Variants in EFCAB6 observed in about 807,000 individuals in gnomAD.
EFCAB6 encodes the protein EF-hand calcium binding domain 6, also known as EF-hand calcium-binding domain-containing protein 6.
Under a neutral mutation model 169.8 loss-of-function variants are expected in EFCAB6, and 156 were observed. That is an observed-to-expected ratio of 0.92 (90% CI 0.81 to 1.05). The LOEUF (loss-of-function observed/expected upper bound fraction) is 1.05, where lower values mean the gene tolerates loss of function less well. Ranked by LOEUF, EFCAB6 falls within the 50% of genes least tolerant of loss-of-function variation. The pLI is 0.00. For missense variants in EFCAB6, 1,800 were observed against 1,829.1 expected (o/e 0.98, Z 0.29); for synonymous variants, 698 against 676.4 (o/e 1.03, Z -0.50).
At chr22:43,597,904 G>A (rs1011536272) in intron 23 of EFCAB6, among the ~76,000 whole-genome samples, 1 of 152,118 alleles carries the variant, frequency 6.6e-6, no homozygotes, top group African/African-American at 2.4e-5. Context: ...TAAAAAAGAA[G>A]AAAATCGTCA....
intron 10 of EFCAB6, among the ~76,000 whole-genome samples, chr22:43,703,209 G>A (rs1377178256): frequency 1.3e-5 from 2 of 152,182 alleles, no homozygotes; most frequent in Non-Finnish European, 2.9e-5. Context: ...AGCTCAGCCT[G>A]ATTACTGAGC....
intron 1 of EFCAB6, among the ~76,000 whole-genome samples, 192 bp downstream of exon 1, chr22:43,811,976 C>CA (rs907811742): frequency 2.0e-5 from 3 of 152,188 alleles, no homozygotes; most frequent in African/African-American, 7.2e-5. Context: ...CACAGGGCCC[C>CA]AGGGCCTACA....
chr22:43,728,273 G>T (rs1449587568), intron 8 of EFCAB6, among the ~76,000 whole-genome samples: 5 of 152,102 alleles, frequency 3.3e-5, no homozygotes, highest in Non-Finnish European at 7.4e-5. Flanking sequence ...TAGTACTCCT[G>T]GTGTATATCT....
chr22:43,580,663 G>C lies in EFCAB6; in HGVS notation c.3033-4C>G. Reference sequence around the variant, plus strand: ...ATCATGCCGGCTGACTCCCCAACTTGTCCCAAAAGGAAGAAAAGAACATAT... The same window carrying C: ...ATCATGCCGGCTGACTCCCCAACTTCTCCCAAAAGGAAGAAAAGAACATAT... On this transcript the variant is annotated splice_polypyrimidine_tract_variant and splice_region_variant and intron_variant, in intron 24 of 31. Coordinates refer to ENST00000262726, the MANE Select transcript of EFCAB6 (RefSeq NM_022785.4). The C allele has an allele frequency of 1.2e-6, 2 of 1,612,902 alleles. No homozygotes were observed. Among genetic ancestry groups the C allele is most frequent in the Non-Finnish European group, 8.5e-7 (1 of 1,179,644 alleles).
intron 2 of EFCAB6, among the ~76,000 whole-genome samples, chr22:43,791,406 A>G (rs551622373): frequency 6.6e-6 from 1 of 152,000 alleles, no homozygotes; most frequent in South Asian, 2.1e-4. Context: ...TTGCCAACAT[A>G]TCATGTATAT....
intron 26 of EFCAB6, among the ~76,000 whole-genome samples, chr22:43,558,407 C>A (rs2048829775): frequency 1.3e-5 from 2 of 151,022 alleles, no homozygotes; most frequent in South Asian, 4.2e-4. Context: ...CACAGGCATA[C>A]CTCATTTTTT....
At chr22:43,603,393 C>T (rs914019720) in intron 22 of EFCAB6, among the ~76,000 whole-genome samples, 1 of 152,204 alleles carries the variant, frequency 6.6e-6, no homozygotes, top group African/African-American at 2.4e-5. Flanking sequence ...AATGGTTCAG[C>T]AATAGATGTG....
chr22:43,711,071 C>A (rs1239086202), intron 10 of EFCAB6, among the ~76,000 whole-genome samples: 1 of 152,104 alleles, frequency 6.6e-6, no homozygotes, highest in Non-Finnish European at 1.5e-5. Context: ...AATTAGAAAA[C>A]ATGAGGCAAG....
At chr22:43,710,911 G>A (rs1180597056) in intron 10 of EFCAB6, among the ~76,000 whole-genome samples, 5 of 152,176 alleles carry the variant, frequency 3.3e-5, no homozygotes, top group Non-Finnish European at 7.3e-5. Context: ...GCAGTCAAAT[G>A]CAGATTGTAA....
chr22:43,745,617 C>T (rs1047764864), intron 6 of EFCAB6, among the ~76,000 whole-genome samples: 2 of 152,194 alleles, frequency 1.3e-5, no homozygotes, highest in Non-Finnish European at 2.9e-5. Context: ...TCAACACCCA[C>T]GGCTGTCAGT....
intron 17 of EFCAB6, among the ~76,000 whole-genome samples, chr22:43,644,466 A>T (rs2056020511): frequency 6.6e-6 from 1 of 152,224 alleles, no homozygotes; most frequent in Non-Finnish European, 1.5e-5. Flanking sequence ...CCACAAATCC[A>T]GACATTTCTA....
chr22:43,589,929 C>CT (rs1378393891), intron 24 of EFCAB6, 145 bp downstream of exon 24: 1 of 1,073,882 alleles, frequency 9.3e-7, no homozygotes, highest in African/African-American at 1.6e-5. Flanking sequence ...CAAACCCATT[C>CT]TAATGTAACC....
At chr22:43,803,360 C>A (rs1178989578) in intron 2 of EFCAB6, among the ~76,000 whole-genome samples, 2 of 152,192 alleles carry the variant, frequency 1.3e-5, no homozygotes, top group Non-Finnish European at 2.9e-5. Flanking sequence ...TTTCCCTGTT[C>A]AGAGCATCAA....
At chr22:43,578,830 G>A (rs1278636775) in intron 25 of EFCAB6, among the ~76,000 whole-genome samples, 1 of 124,446 alleles carries the variant, frequency 8.0e-6, no homozygotes, top group Non-Finnish European at 1.9e-5. Context: ...CTACACGCAG[G>A]CATCATTCCG....
chr22:43,576,798 G>GC (rs2050285870), intron 25 of EFCAB6, among the ~76,000 whole-genome samples: 2 of 152,144 alleles, frequency 1.3e-5, no homozygotes, highest in African/African-American at 4.8e-5. Flanking sequence ...TGGAAGCCTC[G>GC]CCCCTGCTCC....
intron 12 of EFCAB6, among the ~76,000 whole-genome samples, chr22:43,682,066 A>G (rs1252617631): frequency 6.6e-6 from 1 of 152,202 alleles, no homozygotes; most frequent in Non-Finnish European, 1.5e-5. Context: ...GCAGCCAGGC[A>G]AAACGCCCAG....
chr22:43,666,954 C>CAAA, intron 17 of EFCAB6, 150 bp downstream of exon 17: 22 of 885,142 alleles, frequency 2.5e-5, no homozygotes, highest in East Asian at 3.2e-5. Context: ...ATTTTTTGGC[C>CAAA]AAAAAAAAAA....
Position 43,635,156 on chromosome 22 carries a change from T to A in EFCAB6, c.2044A>T (p.Ile682Leu). Residue 682 changes from isoleucine (I) to leucine (L), a missense_variant, in exon 18 of 32, where the codon ATA becomes TTA. By Grantham distance (5) the Ile-to-Leu change is conservative (BLOSUM62 2). Transcript: ENST00000262726. ...DDQYALLTTK[I>L]GFEKEGMSYL... ...CTCATCCCTTCCTTCTCGAAGCCTA[T>A]TTTAGTGGTCAGCAGGGCATACTGA... 2 of 1,614,128 alleles carry A rather than the reference T, an allele frequency of 1.2e-6. No individual in the cohort carries two copies. Among genetic ancestry groups the A allele is most frequent in the Non-Finnish European group, 1.7e-6 (2 of 1,180,008 alleles).
At chr22:43,743,671 C>T (rs1420587508) in intron 6 of EFCAB6, among the ~76,000 whole-genome samples, 1 of 152,208 alleles carries the variant, frequency 6.6e-6, no homozygotes, top group Non-Finnish European at 1.5e-5. Flanking sequence ...CAAATAACCA[C>T]ACACCCATGT....
Sources: gnomAD v4.1 joint callset for allele counts (sites outside exome capture counted in the v4.1 genomes callset) on GRCh38, gnomAD v4.1.1 for gene constraint, MANE v1.5 for transcripts, NCBI Gene and HGNC (gene_info 2026-07-23, HGNC 2026-07-21) for gene names.